Variants in ZNF652 observed in about 807,000 individuals in gnomAD.
ZNF652 encodes zinc finger protein 652.
In ZNF652, 16 loss-of-function variants were observed where a neutral mutation model predicts 45.2. That is an observed-to-expected ratio of 0.35 (90% CI 0.24 to 0.54). The LOEUF (loss-of-function observed/expected upper bound fraction) is 0.54, where lower values mean the gene tolerates loss of function less well. Ranked by LOEUF, ZNF652 falls within the 20% of genes least tolerant of loss-of-function variation. ZNF652 has a pLI of 0.91. For synonymous variants in ZNF652, 250 were observed against 260.6 expected (o/e 0.96, Z 0.39); for missense variants, 614 against 765.6 (o/e 0.80, Z 2.34).
intron 1 of ZNF652, among the ~76,000 whole-genome samples, chr17:49,344,896 G>C (rs957182062): frequency 6.6e-6 from 1 of 152,106 alleles, no homozygotes; most frequent in African/African-American, 2.4e-5. Flanking sequence ...AGATAGTTTT[G>C]ATCACAGAAA....
chr17:49,330,522 T>G (rs1021451822), intron 1 of ZNF652, among the ~76,000 whole-genome samples: 4 of 152,014 alleles, frequency 2.6e-5, no homozygotes, highest in African/African-American at 9.7e-5. Flanking sequence ...TAGTTTTTTG[T>G]GTTTTTAATA....
intron 1 of ZNF652, among the ~76,000 whole-genome samples, chr17:49,352,890 T>C (rs1002879170): frequency 5.9e-5 from 9 of 152,220 alleles, no homozygotes; most frequent in African/African-American, 1.7e-4. Context: ...AAAGGTTACA[T>C]ACTATATGAG....
intron 2 of ZNF652, 83 bp downstream of exon 2, chr17:49,316,743 T>G: frequency 7.1e-7 from 1 of 1,411,178 alleles, no homozygotes; most frequent in Admixed American, 2.2e-5. Flanking sequence ...TCTATTGCAT[T>G]TATTCTCTTG....
chr17:49,315,336 C>T lies in ZNF652; in HGVS notation c.900+1490G>A, dbSNP rs546197296. Among the ~76,000 whole-genome samples the T allele has an allele frequency of 3.4e-4, 52 of 152,090 alleles. 1 individual carries two copies. In the South Asian group the frequency reaches 6.2e-3, roughly 18 times the overall value. On this transcript the variant is annotated intron_variant, in intron 2 of 5. Transcript: ENST00000430262. ...GATTACAGGTGTGAGCCACTGCGCC[C>T]GGTCTGGGTTTTAGTTTTTACTTGT...
At chr17:49,320,860 A>AT (rs1028478432) in intron 1 of ZNF652, among the ~76,000 whole-genome samples, 17 of 136,866 alleles carry the variant, frequency 1.2e-4, no homozygotes, top group East Asian at 8.4e-4. Context: ...ATGGTAGGCT[A>AT]TTTTTTTTTG....
Position 49,295,544 on chromosome 17 carries a change from T to C in ZNF652, c.*2869A>G, listed in dbSNP as rs1250492004. 1 of 152,532 alleles carries C rather than the reference T, an allele frequency of 6.6e-6. No homozygotes were observed. Among genetic ancestry groups the C allele is most frequent in the Non-Finnish European group, 1.5e-5 (1 of 68,018 alleles). 9.4% of individuals were successfully genotyped at this position (152,532 alleles called of 1,614,324 possible). On this transcript the variant is annotated 3_prime_UTR_variant, in exon 6 of 6. Coordinates refer to ENST00000430262, the MANE Select transcript of ZNF652 (RefSeq NM_001145365.3). ...GAAAAATCAAAGATGACTACCTGAA[T>C]ATTCCAGTGTATAATTACAGTACAA...
intron 1 of ZNF652, among the ~76,000 whole-genome samples, chr17:49,330,756 A>T (rs2070014184): frequency 2.0e-5 from 3 of 151,696 alleles, no homozygotes; most frequent in Non-Finnish European, 2.9e-5. Context: ...TAACTTTATT[A>T]AAAAAAATCA....
chr17:49,311,868 C>G (rs2069716914), intron 4 of ZNF652, 59 bp downstream of exon 4: 6 of 1,412,792 alleles, frequency 4.2e-6, no homozygotes, highest in East Asian at 2.3e-5. Flanking sequence ...TCTCACTGGT[C>G]CGCCATCTAT....
chr17:49,359,387 G>C (rs7210100), intron 1 of ZNF652, among the ~76,000 whole-genome samples: 1 of 152,118 alleles, frequency 6.6e-6, no homozygotes, highest in Non-Finnish European at 1.5e-5. Flanking sequence ...CTATTCTTCA[G>C]GTGTATGGAA....
At chr17:49,318,557 A>G (rs967693910) in intron 1 of ZNF652, among the ~76,000 whole-genome samples, 61 of 152,326 alleles carry the variant, frequency 4.0e-4, no homozygotes, top group Middle Eastern at 3.4e-3. Context: ...CACAGTGTCT[A>G]GCATACAGTA....
chr17:49,333,617 G>A (rs1272691175), intron 1 of ZNF652, among the ~76,000 whole-genome samples: 1 of 146,806 alleles, frequency 6.8e-6, no homozygotes, highest in Admixed American at 6.8e-5. Flanking sequence ...CTACTTGGGA[G>A]GCTGAGGCAG....
chr17:49,316,273 C>T (rs755769156), intron 2 of ZNF652, among the ~76,000 whole-genome samples: 11 of 152,236 alleles, frequency 7.2e-5, no homozygotes, highest in Non-Finnish European at 1.2e-4. Flanking sequence ...TCAGCCTCTG[C>T]TTAAAGTTTG....
At chr17:49,348,413 G>A (rs2070230337) in intron 1 of ZNF652, among the ~76,000 whole-genome samples, 1 of 151,166 alleles carries the variant, frequency 6.6e-6, no homozygotes, top group Non-Finnish European at 1.5e-5. Context: ...TTGAGCCCGG[G>A]AGATTGAGGT....
intron 1 of ZNF652, among the ~76,000 whole-genome samples, chr17:49,351,015 ACACACACAC>A (rs1567700294): frequency 0.07 from 1,664 of 23,898 alleles, 38 homozygotes; most frequent in East Asian, 0.18. Flanking sequence ...ATATATATAT[ACACACACAC>A]ACACACACAC....
At position 49,298,780 on chromosome 17, in the gene ZNF652, T is replaced by C; in HGVS notation, c.1454A>G (p.Lys485Arg). ...GQRFRFSNML[K>R]AHKEKCFRVT... ...CCGAAAGCACTTCTCCTTGTGGGCCTTAAGCATGTTCGAGAAGCGGAACCG... is the reference window on the plus strand; with the variant it reads ...CCGAAAGCACTTCTCCTTGTGGGCCCTAAGCATGTTCGAGAAGCGGAACCG... Residue 485 changes from lysine to arginine, a missense_variant, in exon 6 of 6, where the codon AAG becomes AGG. Around this residue, in one of 5 missense-constraint regions of ZNF652, gnomAD observed 81 missense variants for 167.0 expected, o/e 0.48. Transcript: ENST00000430262. The C allele has an allele frequency of 6.2e-7, 1 of 1,614,084 alleles. No homozygotes were observed.
At position 49,294,597 on chromosome 17, in the gene ZNF652, G is replaced by A. The variant is rs986315200; in HGVS notation, c.*3816C>T. ...AAGCAGCAGCCTTTATTAAGGCTAA[G>A]GAAGAGTTTATATTTTACTGATAAA... On this transcript the variant is annotated 3_prime_UTR_variant, in exon 6 of 6. Coordinates refer to ENST00000430262, the MANE Select transcript of ZNF652 (RefSeq NM_001145365.3). The A allele has an allele frequency of 5.9e-5, 9 of 152,110 alleles. No homozygotes were observed. Among genetic ancestry groups the A allele is most frequent in the African/African-American group, 2.2e-4 (9 of 41,392 alleles). The allele number at this position is 152,110 out of a possible 1,614,324, so 9.4% of individuals were successfully genotyped here. A position where few individuals can be genotyped will look rare whatever the true frequency, so the allele number is the denominator to read the frequency against.
chr17:49,307,182 C>T (rs986833026), intron 5 of ZNF652, among the ~76,000 whole-genome samples: 1 of 151,970 alleles, frequency 6.6e-6, no homozygotes, highest in African/African-American at 2.4e-5. Context: ...TGTCTGTAAT[C>T]CCAGCAGTTT....
rs2069698307 is a variant in ZNF652 at position 49,310,721 on chromosome 17, G to A, written c.1309+591C>T. 2.0e-5 allele frequency among the ~76,000 whole-genome samples: 3 copies of A among 152,142 alleles called. No homozygotes were observed. The South Asian group carries it at 6.2e-4, about 32-fold the overall frequency. On this transcript the variant is annotated intron_variant, in intron 5 of 5. Transcript: ENST00000430262. ...GATCGAGACCAGCCTGGGCAACATG[G>A]TGAAACCCTGTCTCTACAAAAAATA...
At chr17:49,350,676 CTT>C (rs1463591983) in intron 1 of ZNF652, among the ~76,000 whole-genome samples, 1 of 150,256 alleles carries the variant, frequency 6.7e-6, no homozygotes, top group African/African-American at 2.4e-5. Context: ...AAAAGTGAGA[CTT>C]TTAAAAAATG....
Sources: gnomAD v4.1 joint callset for allele counts (sites outside exome capture counted in the v4.1 genomes callset) on GRCh38, gnomAD v4.1.1 for gene constraint, gnomAD v4.1.1 regional missense constraint, MANE v1.5 for transcripts, NCBI Gene and HGNC (gene_info 2026-07-23, HGNC 2026-07-21) for gene names.